FAM177B: variants seen among roughly 807,000 people sequenced by gnomAD.
The protein encoded by FAM177B is protein FAM177B.
Under a neutral mutation model 16.1 loss-of-function variants are expected in FAM177B, and 16 were observed. The ratio of observed to expected loss-of-function variants is 0.99; its 90% CI spans 0.67 to 1.51. FAM177B has a LOEUF of 1.51. Among genes scored for constraint, FAM177B ranks in the 40% most tolerant of loss-of-function variants. The probability of loss-of-function intolerance (pLI) is 0.00; values close to 1 mark genes in which losing one functional copy is unlikely to be tolerated. For missense variants in FAM177B, 178 were observed against 183.7 expected, an observed-to-expected ratio of 0.97 and a Z score of 0.18; for synonymous variants, 56 against 59.9, an observed-to-expected ratio of 0.93 and a Z score of 0.30.
Position 222,749,567 on chromosome 1 carries a change from G to A in FAM177B, c.339+5G>A, listed in dbSNP as rs1208593718. 2 of 1,526,898 alleles carry A rather than the reference G, an allele frequency of 1.3e-6. No individual in the cohort carries two copies. Among genetic ancestry groups the A allele is most frequent in the South Asian group, 1.2e-5 (1 of 86,874 alleles). The allele number at this position is 1,526,898 out of a possible 1,614,324, so 94.6% of individuals were successfully genotyped here. A position where few individuals can be genotyped will look rare whatever the true frequency, so the allele number is the denominator to read the frequency against. ...TTCTATAGGATACAAAACAAGGTAT[G>A]TGACACTCTGATGGAAACAAGGGGC... is the stretch of plus-strand genomic sequence containing the variant. On this transcript the variant is annotated splice_donor_5th_base_variant and intron_variant, in intron 5 of 5. Coordinates refer to ENST00000445590, the MANE Select transcript of FAM177B (RefSeq NM_001394345.1).
At chr1:222,738,775 G>A (rs1658400738) in intron 2 of FAM177B, among the ~76,000 whole-genome samples, 2 of 152,172 alleles carry the variant, frequency 1.3e-5, no homozygotes, top group Admixed American at 1.3e-4. Flanking sequence ...TAAATAAGTT[G>A]ATTCCAAACT....
At chr1:222,744,941 A>T (rs924153842) in intron 2 of FAM177B, among the ~76,000 whole-genome samples, 1 of 152,154 alleles carries the variant, frequency 6.6e-6, no homozygotes, top group Non-Finnish European at 1.5e-5. Flanking sequence ...TTTATAGTTA[A>T]TCTTAACCCC....
intron 4 of FAM177B, 200 bp from the exon 5 acceptor site, chr1:222,749,265 G>A: frequency 1.9e-6 from 1 of 537,344 alleles, no homozygotes. Context: ...TATAAAGATA[G>A]AAGATTTGAC....
chr1:222,744,543 T>C (rs1333524520), intron 2 of FAM177B, among the ~76,000 whole-genome samples: 5 of 151,796 alleles, frequency 3.3e-5, no homozygotes, highest in African/African-American at 9.7e-5. Flanking sequence ...GCCTGACATA[T>C]ACACTGCTAA....
chr1:222,748,042 C>G (rs1254498719), intron 4 of FAM177B, among the ~76,000 whole-genome samples: 1 of 152,130 alleles, frequency 6.6e-6, no homozygotes, highest in African/African-American at 2.4e-5. Context: ...GCTTGAGGAC[C>G]ATGAAAGTGA....
chr1:222,748,686 A>G (rs1224116089), intron 4 of FAM177B, among the ~76,000 whole-genome samples: 3 of 152,224 alleles, frequency 2.0e-5, no homozygotes, highest in African/African-American at 4.8e-5. Flanking sequence ...TCTTCTACAC[A>G]TGTACTAGGC....
At chr1:222,749,418 C>T in intron 4 of FAM177B, 47 bp from the exon 5 acceptor site, 1 of 1,103,854 alleles carries the variant, frequency 9.1e-7, no homozygotes. Flanking sequence ...TGATGCGAAG[C>T]TTTAGTTAGT....
chr1:222,742,801 G>A (rs976277614), intron 2 of FAM177B, among the ~76,000 whole-genome samples: 2 of 105,540 alleles, frequency 1.9e-5, no homozygotes, highest in Non-Finnish European at 4.8e-5. Flanking sequence ...ACGACTATGC[G>A]ACGATATTTT....
chr1:222,750,015 A>T lies in FAM177B; in HGVS notation c.434A>T (p.Tyr145Phe), dbSNP rs1658985114. Reference sequence around the variant, plus strand: ...CACTTGGAGGCTGGGGTCCAAGAGTATGGAACCATACAACAGGATGTGACA... The same window carrying T: ...CACTTGGAGGCTGGGGTCCAAGAGTTTGGAACCATACAACAGGATGTGACA... ...KCHLEAGVQE[Y>F]GTIQQDVTEA... Residue 145 changes from tyrosine to phenylalanine, a missense_variant, in exon 6 of 6, where the codon TAT becomes TTT. Coordinates refer to ENST00000445590, the MANE Select transcript of FAM177B (RefSeq NM_001394345.1). 4 of 1,614,010 alleles carry T rather than the reference A, an allele frequency of 2.5e-6. No individual in the cohort carries two copies. Among genetic ancestry groups the T allele is most frequent in the Non-Finnish European group, 8.5e-7 (1 of 1,179,946 alleles).
intron 2 of FAM177B, among the ~76,000 whole-genome samples, chr1:222,738,906 C>T (rs1433219989): frequency 6.6e-6 from 1 of 152,222 alleles, no homozygotes; most frequent in South Asian, 2.1e-4. Flanking sequence ...TGTGAGCTAG[C>T]TAGTGCTCAC....
At chr1:222,745,524 G>A (rs181628595) in intron 2 of FAM177B, among the ~76,000 whole-genome samples, 1 of 152,250 alleles carries the variant, frequency 6.6e-6, no homozygotes, top group East Asian at 1.9e-4. Context: ...GGTTGAGGCG[G>A]GAAGATTGCT....
At chr1:222,738,564 C>CAA (rs71175182) in intron 2 of FAM177B, among the ~76,000 whole-genome samples, 4 of 61,818 alleles carry the variant, frequency 6.5e-5, no homozygotes, top group East Asian at 4.4e-4. Context: ...ACAAAAACTG[C>CAA]AAAAAAAAAA....
chr1:222,739,832 T>C (rs1401921111), intron 2 of FAM177B: 9 of 152,250 alleles, frequency 5.9e-5, no homozygotes, highest in Non-Finnish European at 1.3e-4. Context: ...AGAGGAATTA[T>C]GTAAGTTTCT....
Position 222,750,115 on chromosome 1 carries a change from A to G in FAM177B, c.*57A>G. 1 of 1,585,686 alleles carries G rather than the reference A, an allele frequency of 6.3e-7. No individual in the cohort carries two copies. The highest frequency in any genetic ancestry group is 8.6e-7 in the Non-Finnish European group (1 of 1,168,768). Reference sequence around the variant, plus strand: ...ATCCTAGCTCATGATGGCAGCAAAGACTGCAGTTTCCCTGGATCTGTTCCT... The same window carrying G: ...ATCCTAGCTCATGATGGCAGCAAAGGCTGCAGTTTCCCTGGATCTGTTCCT... On this transcript the variant is annotated 3_prime_UTR_variant, in exon 6 of 6. Transcript: ENST00000445590.
At chr1:222,748,893 AG>A (rs1219733375) in intron 4 of FAM177B, 2 of 372,588 alleles carry the variant, frequency 5.4e-6, no homozygotes, top group African/African-American at 2.2e-5. Flanking sequence ...AAACTTTTCT[AG>A]GAGACTTCTT....
Position 222,749,929 on chromosome 1 carries a change from C to T in FAM177B, c.348C>T (p.Asp116=). Residue 116 remains aspartate (D), a synonymous_variant, in exon 6 of 6, where the codon GAC becomes GAT. Coordinates refer to ENST00000445590, the MANE Select transcript of FAM177B (RefSeq NM_001394345.1). ...ATTTCTCTCCAAAACAGAAAAGTGACAACAAAAGTGAAAGGAGAGGATCAA... is the reference window on the plus strand; with the variant it reads ...ATTTCTCTCCAAAACAGAAAAGTGATAACAAAAGTGAAAGGAGAGGATCAA... ...EFYRIQNKKS[D]NKSERRGSKA... is the part of the protein sequence containing the mutation. The T allele has an allele frequency of 1.2e-6, 2 of 1,614,024 alleles. No individual in the cohort carries two copies.
Position 222,750,273 on chromosome 1 carries a change from T to C in FAM177B, c.*215T>C. 1 of 1,358,014 alleles carries C rather than the reference T, an allele frequency of 7.4e-7. No individual in the cohort carries two copies. The highest frequency in any genetic ancestry group is 9.4e-7 in the Non-Finnish European group (1 of 1,059,904). 84.1% of individuals were successfully genotyped at this position (1,358,014 alleles called of 1,614,324 possible). On this transcript the variant is annotated 3_prime_UTR_variant, in exon 6 of 6. Coordinates refer to ENST00000445590, the MANE Select transcript of FAM177B (RefSeq NM_001394345.1). Reference sequence around the variant, plus strand: ...AATGAGAGTAATTTTGGACACTTTCTCAGAATAATTTCTATATTCAAGCCA... The same window carrying C: ...AATGAGAGTAATTTTGGACACTTTCCCAGAATAATTTCTATATTCAAGCCA...
At chr1:222,741,928 C>CTCTTTCTT (rs1205750338) in intron 2 of FAM177B, among the ~76,000 whole-genome samples, 5 of 84,742 alleles carry the variant, frequency 5.9e-5, no homozygotes, top group South Asian at 4.7e-4. Context: ...CTCTCTCTCT[C>CTCTTTCTT]TCTTTCTTTC....
chr1:222,749,791 A>G lies in FAM177B; in HGVS notation c.340-130A>G, dbSNP rs990516378. Reference sequence around the variant, plus strand: ...GATGTCATGAGCTGTGTTGTAGAAGAAGGTAGTTGGGTGAGAAGGCTCAGA... The same window carrying G: ...GATGTCATGAGCTGTGTTGTAGAAGGAGGTAGTTGGGTGAGAAGGCTCAGA... On this transcript the variant is annotated intron_variant, in intron 5 of 5. Transcript: ENST00000445590. 4 of 991,708 alleles carry G rather than the reference A, an allele frequency of 4.0e-6. No individual in the cohort carries two copies. In the African/African-American group the frequency reaches 6.5e-5, roughly 16 times the overall value. The allele number at this position is 991,708 out of a possible 1,614,324, so 61.4% of individuals were successfully genotyped here.
Sources: gnomAD v4.1 joint callset for allele counts (sites outside exome capture counted in the v4.1 genomes callset) on GRCh38, gnomAD v4.1.1 for gene constraint, MANE v1.5 for transcripts, NCBI Gene and HGNC (gene_info 2026-07-23, HGNC 2026-07-21) for gene names.